The following ROBO1 variants were observed in gnomAD, a reference collection of about 807,000 sequenced individuals.
The protein encoded by ROBO1 is roundabout homolog 1.
A neutral mutation model predicts 195.9 loss-of-function variants in ROBO1; 149 were observed. The observed-to-expected ratio is 0.76, with a 90% confidence interval of 0.67 to 0.87. The LOEUF is 0.87. Ranked by LOEUF, ROBO1 falls within the 40% of genes least tolerant of loss-of-function variation. The pLI is 0.00. For missense variants in ROBO1, 1,933 were observed against 2,068.3 expected (o/e 0.93, Z 1.27); for synonymous variants, 816 against 733.2 (o/e 1.11, Z -1.82).
intron 3 of ROBO1, among the ~76,000 whole-genome samples, chr3:78,990,243 G>T (rs1286492811): frequency 6.6e-6 from 1 of 152,162 alleles, no homozygotes; most frequent in Non-Finnish European, 1.5e-5. Context: ...TGGTCATACT[G>T]AATGTGTAAG....
intron 1 of ROBO1, among the ~76,000 whole-genome samples, chr3:79,738,152 A>T (rs1703467340): frequency 6.6e-6 from 1 of 152,186 alleles, no homozygotes; most frequent in African/African-American, 2.4e-5. Flanking sequence ...CAAATAAAAT[A>T]ATGGGGTGGT....
chr3:78,861,309 G>A (rs369959985), intron 4 of ROBO1, among the ~76,000 whole-genome samples: 8 of 152,002 alleles, frequency 5.3e-5, no homozygotes, highest in Admixed American at 5.2e-4. Context: ...CATCCTGAAC[G>A]TGTTTTATAA....
intron 3 of ROBO1, among the ~76,000 whole-genome samples, chr3:79,015,071 A>G (rs2077889381): frequency 6.6e-6 from 1 of 152,242 alleles, no homozygotes; most frequent in Admixed American, 6.5e-5. Context: ...TGTAGCAAAG[A>G]CTAAGAAAAA....
At chr3:79,271,161 G>A (rs974370666) in intron 2 of ROBO1, among the ~76,000 whole-genome samples, 6 of 151,954 alleles carry the variant, frequency 3.9e-5, no homozygotes, top group Non-Finnish European at 8.8e-5. Flanking sequence ...ACTATTGTGT[G>A]TCATGCAATC....
intron 2 of ROBO1, among the ~76,000 whole-genome samples, chr3:79,169,086 T>C (rs1476098884): frequency 6.6e-6 from 1 of 152,124 alleles, no homozygotes; most frequent in African/African-American, 2.4e-5. Context: ...ATTAAAGAAC[T>C]GAAAGAAATC....
At position 78,664,329 on chromosome 3, in the gene ROBO1, T is replaced by C. The variant is rs549098194; in HGVS notation, c.1967-2215A>G. Reference sequence around the variant, plus strand: ...GGGGAGCCTATCCAGGCCCCACTCATTGATAATAACTGACATCATCTTAGG... The same window carrying C: ...GGGGAGCCTATCCAGGCCCCACTCACTGATAATAACTGACATCATCTTAGG... On this transcript the variant is annotated intron_variant, in intron 14 of 30. Transcript: ENST00000464233. 5.9e-5 allele frequency among the ~76,000 whole-genome samples: 9 copies of C among 152,304 alleles called. No individual in the cohort carries two copies. The East Asian group carries it at 7.7e-4, about 13-fold the overall frequency.
intron 2 of ROBO1, among the ~76,000 whole-genome samples, chr3:79,205,139 C>T (rs546375575): frequency 6.6e-6 from 1 of 151,852 alleles, no homozygotes; most frequent in Non-Finnish European, 1.5e-5. Flanking sequence ...ATTACAGGCG[C>T]GCACCACCAT....
At chr3:79,475,979 T>C (rs1575879484) in intron 2 of ROBO1, among the ~76,000 whole-genome samples, 2 of 151,912 alleles carry the variant, frequency 1.3e-5, no homozygotes, top group African/African-American at 2.4e-5. Context: ...TAAAATAAAA[T>C]AAATGGAGTT....
intron 3 of ROBO1, among the ~76,000 whole-genome samples, chr3:79,033,848 A>G (rs1332181770): frequency 2.0e-5 from 3 of 152,170 alleles, no homozygotes; most frequent in Non-Finnish European, 4.4e-5. Flanking sequence ...TTTCTGGAGC[A>G]TTTGTAAAAC....
At chr3:78,949,451 T>A (rs2040648408) in intron 3 of ROBO1, among the ~76,000 whole-genome samples, 1 of 151,552 alleles carries the variant, frequency 6.6e-6, no homozygotes, top group Admixed American at 6.6e-5. Flanking sequence ...GAAAACTGGC[T>A]AGCCATATGT....
chr3:79,008,857 A>G (rs891960868), intron 3 of ROBO1, among the ~76,000 whole-genome samples: 4 of 147,286 alleles, frequency 2.7e-5, no homozygotes, highest in African/African-American at 1.0e-4. Context: ...CCGAAGTACT[A>G]AGATTACAGG....
At chr3:79,181,704 C>A (rs796549121) in intron 2 of ROBO1, among the ~76,000 whole-genome samples, 24 of 151,918 alleles carry the variant, frequency 1.6e-4, no homozygotes, top group African/African-American at 5.8e-4. Context: ...CTCAGCCTAC[C>A]TAGACAAACA....
intron 2 of ROBO1, among the ~76,000 whole-genome samples, chr3:79,154,269 C>T (rs944194237): frequency 2.0e-5 from 3 of 151,754 alleles, no homozygotes; most frequent in African/African-American, 7.2e-5. Flanking sequence ...GGTTAATGCT[C>T]ATTCCATCAC....
At chr3:78,987,709 A>G (rs912763103) in intron 3 of ROBO1, among the ~76,000 whole-genome samples, 1 of 152,114 alleles carries the variant, frequency 6.6e-6, no homozygotes, top group Non-Finnish European at 1.5e-5. Context: ...AAACAGGGTG[A>G]CTATAGTCAA....
intron 2 of ROBO1, among the ~76,000 whole-genome samples, chr3:79,447,125 G>A (rs1010537067): frequency 2.6e-5 from 4 of 151,974 alleles, no homozygotes; most frequent in South Asian, 2.1e-4. Context: ...CACCATGCGC[G>A]GCCCAAAATG....
chr3:79,368,179 C>A (rs2036046226), intron 2 of ROBO1, among the ~76,000 whole-genome samples: 1 of 152,100 alleles, frequency 6.6e-6, no homozygotes, highest in African/African-American at 2.4e-5. Flanking sequence ...ATGATCCGCT[C>A]ACCTCGGCCT....
intron 4 of ROBO1, among the ~76,000 whole-genome samples, chr3:78,850,892 C>T (rs1390267949): frequency 1.3e-5 from 2 of 151,874 alleles, no homozygotes; most frequent in East Asian, 1.9e-4. Flanking sequence ...CTGCAACCTC[C>T]GCCTCCTGGG....
intron 24 of ROBO1, 48 bp downstream of exon 24, chr3:78,633,887 A>T: frequency 7.8e-7 from 1 of 1,281,008 alleles, no homozygotes; most frequent in Non-Finnish European, 1.1e-6. Context: ...GTAATCTTGG[A>T]AAGTACCAGC....
At chr3:78,961,987 T>C (rs2041375663) in intron 3 of ROBO1, among the ~76,000 whole-genome samples, 1 of 152,024 alleles carries the variant, frequency 6.6e-6, no homozygotes, top group Admixed American at 6.5e-5. Flanking sequence ...GTCGGTTTCT[T>C]CATCCATAAA....
Sources: gnomAD v4.1 joint callset for allele counts (sites outside exome capture counted in the v4.1 genomes callset) on GRCh38, gnomAD v4.1.1 for gene constraint, MANE v1.5 for transcripts, NCBI Gene and HGNC (gene_info 2026-07-23, HGNC 2026-07-21) for gene names.